Variants in FAT3 observed in about 807,000 individuals in gnomAD.
The protein encoded by FAT3 is FAT atypical cadherin 3.
FAT3 carries 95 observed loss-of-function variants against 310.2 expected under a neutral mutation model. That is an observed-to-expected ratio of 0.31 (90% CI 0.26 to 0.36). FAT3 has a LOEUF of 0.36. FAT3 is among the 10% of genes least tolerant of loss of function. The pLI, the probability that FAT3 is intolerant of heterozygous loss-of-function variation, is 1.00. For synonymous variants in FAT3, 2,314 were observed against 2,192.9 expected (o/e 1.06, Z -1.54); for missense variants, 5,408 against 5,715.6 (o/e 0.95, Z 1.74).
intron 3 of FAT3, among the ~76,000 whole-genome samples, chr11:92,618,245 G>T (rs1271392024): frequency 6.6e-6 from 1 of 152,202 alleles, no homozygotes; most frequent in Non-Finnish European, 1.5e-5. Flanking sequence ...TGCTAGCGGT[G>T]AGCGAGGCGC....
chr11:92,842,605 C>G (rs954947256), intron 18 of FAT3, among the ~76,000 whole-genome samples: 2 of 152,226 alleles, frequency 1.3e-5, no homozygotes, highest in Non-Finnish European at 2.9e-5. Flanking sequence ...GACACAGTGG[C>G]TCACACCTGT....
At chr11:92,730,208 C>T (rs1405215139) in intron 4 of FAT3, among the ~76,000 whole-genome samples, 1 of 152,050 alleles carries the variant, frequency 6.6e-6, no homozygotes, top group Non-Finnish European at 1.5e-5. Flanking sequence ...CATGGTGGCT[C>T]ATGCCTGTAG....
At chr11:92,444,593 C>T (rs73548491) in intron 2 of FAT3, among the ~76,000 whole-genome samples, 1,779 of 147,368 alleles carry the variant, frequency 0.012, 32 homozygotes, top group African/African-American at 0.043. Context: ...CCATCTCAGA[C>T]GTAGGAGGAC....
rs186475068 is a variant in FAT3 at position 92,714,676 on chromosome 11, G to A, written c.3669+17231G>A. Among the ~76,000 whole-genome samples, 11 of 152,224 alleles carry A rather than the reference G, an allele frequency of 7.2e-5. No homozygotes were observed. In the East Asian group the frequency reaches 2.1e-3, roughly 29 times the overall value. ...CTAATTCAGCTATTACTAGATTGTG[G>A]AATACCTAGCAGTTTCCACGTATTT... On this transcript the variant is annotated intron_variant, in intron 4 of 27. Transcript: ENST00000525166.
At chr11:92,779,470 A>G (rs1488664475) in intron 7 of FAT3, among the ~76,000 whole-genome samples, 1 of 152,286 alleles carries the variant, frequency 6.6e-6, no homozygotes, top group Non-Finnish European at 1.5e-5. Flanking sequence ...AGATGGGATA[A>G]TATGAACATC....
chr11:92,570,821 T>G (rs1395712194), intron 3 of FAT3, among the ~76,000 whole-genome samples: 1 of 152,168 alleles, frequency 6.6e-6, no homozygotes, highest in Non-Finnish European at 1.5e-5. Flanking sequence ...TTCTCATTGC[T>G]TAGTAGCTTG....
rs564497932 is a variant in FAT3, at chr11:92,444,212, C to T, written c.3293-80422C>T. On this transcript the variant is annotated intron_variant, in intron 2 of 27. Coordinates refer to ENST00000525166, the MANE Select transcript of FAT3 (RefSeq NM_001367949.2). ...CTTTCTCATCTGTTGTTTTCAAAGG[C>T]GAGTCATTTCCAGTTTTCCCTTCCA... Among the ~76,000 whole-genome samples the T allele has an allele frequency of 3.9e-4, 59 of 152,118 alleles. No individual in the cohort carries two copies. The South Asian group carries it at 8.9e-3, about 23-fold the overall frequency.
intron 4 of FAT3, among the ~76,000 whole-genome samples, chr11:92,705,800 T>TAGTGATGGTGG (rs1944315615): frequency 1.5e-4 from 1 of 6,528 alleles, no homozygotes; most frequent in Non-Finnish European, 3.1e-4. Context: ...TGTGATGGTG[T>TAGTGATGGTGG]TGGTGTTGGT....
chr11:92,610,354 C>T (rs1383878405), intron 3 of FAT3, among the ~76,000 whole-genome samples: 1 of 152,148 alleles, frequency 6.6e-6, no homozygotes, highest in Non-Finnish European at 1.5e-5. Context: ...ATAAATTCTA[C>T]ACAGGCCTTC....
chr11:92,853,802 A>G (rs78400174), intron 19 of FAT3, among the ~76,000 whole-genome samples: 2,307 of 152,198 alleles, frequency 0.015, 54 homozygotes, highest in African/African-American at 0.053. Flanking sequence ...CTCAGAAGAG[A>G]GGACATGCAT....
At chr11:92,644,345 A>T (rs920752558) in intron 3 of FAT3, among the ~76,000 whole-genome samples, 2 of 152,208 alleles carry the variant, frequency 1.3e-5, no homozygotes, top group Non-Finnish European at 1.5e-5. Context: ...CTGGATCAGT[A>T]ATCATAATGC....
chr11:92,261,950 A>G (rs1234663847), intron 1 of FAT3, among the ~76,000 whole-genome samples: 1 of 150,770 alleles, frequency 6.6e-6, no homozygotes, highest in East Asian at 2.0e-4. Context: ...AGGTTTTCTT[A>G]TTTCTATGTT....
In FAT3 at chr11:92,487,366, T is replaced by A. The variant is rs148213962; in HGVS notation, c.3293-37268T>A. ...CTAGATATCAGAGAAAAAGTTATAA[T>A]CTTCTGAAAAGCATAATTTTTTATC... On this transcript the variant is annotated intron_variant, in intron 2 of 27. Transcript: ENST00000525166. 4.0e-3 allele frequency among the ~76,000 whole-genome samples: 614 copies of A among 152,298 alleles called. 4 individuals are homozygous for A. The highest frequency in any genetic ancestry group is 0.014 in the African/African-American group (590 of 41,578).
intron 1 of FAT3, among the ~76,000 whole-genome samples, chr11:92,304,026 A>C (rs563124119): frequency 9.2e-5 from 14 of 152,296 alleles, no homozygotes; most frequent in South Asian, 4.1e-4. Flanking sequence ...AAGGAGTTTT[A>C]GAATATGTAT....
chr11:92,588,553 C>T (rs1591490187), intron 3 of FAT3, among the ~76,000 whole-genome samples: 1 of 152,148 alleles, frequency 6.6e-6, no homozygotes, highest in Non-Finnish European at 1.5e-5. Flanking sequence ...TTGGAACACT[C>T]TCTGCCCTAC....
chr11:92,794,611 C>T (rs1212854569), intron 9 of FAT3, among the ~76,000 whole-genome samples: 1 of 152,184 alleles, frequency 6.6e-6, no homozygotes, highest in Non-Finnish European at 1.5e-5. Context: ...CTTTTGACCT[C>T]TACAGACTAC....
At position 92,851,542 on chromosome 11, in the gene FAT3, A is replaced by T. The variant is rs1426011642; in HGVS notation, c.11366-5672A>T. ...TGCAGTATTGTTTACTTATCTTACT[A>T]CCCCACCTTCCCAAGAGAAACTGGG... On this transcript the variant is annotated intron_variant, in intron 19 of 27. Coordinates refer to ENST00000525166, the MANE Select transcript of FAT3 (RefSeq NM_001367949.2). 2.6e-5 allele frequency among the ~76,000 whole-genome samples: 4 copies of T among 152,188 alleles called. No individual in the cohort carries two copies. The East Asian group carries it at 7.7e-4, about 29-fold the overall frequency.
At chr11:92,823,559 T>G (rs952168510) in intron 13 of FAT3, among the ~76,000 whole-genome samples, 5 of 152,160 alleles carry the variant, frequency 3.3e-5, no homozygotes, top group African/African-American at 1.2e-4. Flanking sequence ...GTCCCTGTAT[T>G]TTTATTTTGC....
At chr11:92,419,871 C>T (rs1244168666) in intron 2 of FAT3, among the ~76,000 whole-genome samples, 2 of 152,104 alleles carry the variant, frequency 1.3e-5, no homozygotes, top group East Asian at 1.9e-4. Flanking sequence ...CCTGTTGGCT[C>T]ATAGGATACT....
Sources: gnomAD v4.1 joint callset for allele counts (sites outside exome capture counted in the v4.1 genomes callset) on GRCh38, gnomAD v4.1.1 for gene constraint, MANE v1.5 for transcripts, NCBI Gene and HGNC (gene_info 2026-07-23, HGNC 2026-07-21) for gene names.